Variants in TTC3 observed in about 807,000 individuals in gnomAD.
TTC3 encodes tetratricopeptide repeat domain 3.
TTC3 carries 180 observed loss-of-function variants against 249.6 expected under a neutral mutation model. That is an observed-to-expected ratio of 0.72 (90% CI 0.64 to 0.82). TTC3 has a LOEUF of 0.82. TTC3 is among the 40% of genes least tolerant of loss of function. TTC3 has a pLI of 0.00. For missense variants in TTC3, 2,061 were observed against 2,398.4 expected, an observed-to-expected ratio of 0.86 and a Z score of 2.94; for synonymous variants, 717 against 805.0, an observed-to-expected ratio of 0.89 and a Z score of 1.85.
chr21:37,081,963 C>A (rs2071740890), intron 1 of TTC3: 1 of 151,368 alleles, frequency 6.6e-6, no homozygotes, highest in South Asian at 2.1e-4. Context: ...CTCCCGGGTT[C>A]ACGCCATTCT....
At chr21:37,138,244 T>C (rs1184218969) in intron 18 of TTC3, among the ~76,000 whole-genome samples, 1 of 152,204 alleles carries the variant, frequency 6.6e-6, no homozygotes, top group Admixed American at 6.5e-5. Context: ...GATTGTGATA[T>C]TTGCTTTATT....
intron 9 of TTC3, among the ~76,000 whole-genome samples, chr21:37,096,037 A>G (rs950656916): frequency 6.6e-6 from 1 of 152,174 alleles, no homozygotes; most frequent in African/African-American, 2.4e-5. Context: ...GTGCATCTCC[A>G]CAGGGAATGA....
exon 14 of TTC3, chr21:37,124,737 C>A: frequency 6.2e-7 from 1 of 1,611,726 alleles, no homozygotes; most frequent in Non-Finnish European, 8.5e-7. Flanking sequence ...TAATCAGAAT[C>A]TAAAGGTAAG....
chr21:37,101,628 T>G (rs1349062368), intron 10 of TTC3, among the ~76,000 whole-genome samples: 2 of 152,210 alleles, frequency 1.3e-5, no homozygotes, highest in African/African-American at 4.8e-5. Flanking sequence ...TCCCATAATA[T>G]TTTATGCCTA....
chr21:37,118,860 C>T (rs1210120716), intron 11 of TTC3, among the ~76,000 whole-genome samples: 2 of 152,126 alleles, frequency 1.3e-5, no homozygotes, highest in African/African-American at 2.4e-5. Flanking sequence ...TACTTTTCAT[C>T]TTAAATGCTA....
intron 34 of TTC3, among the ~76,000 whole-genome samples, chr21:37,170,110 C>T (rs1039141649): frequency 6.6e-6 from 1 of 152,134 alleles, no homozygotes; most frequent in African/African-American, 2.4e-5. Flanking sequence ...TGTTTATATT[C>T]ATATACACAT....
chr21:37,101,915 A>C (rs1473459569), intron 10 of TTC3, among the ~76,000 whole-genome samples: 1 of 113,174 alleles, frequency 8.8e-6, no homozygotes, highest in Non-Finnish European at 2.1e-5. Flanking sequence ...ATTAGTATAT[A>C]GTTTATATAT....
Position 37,082,663 on chromosome 21 carries a change from C to G in TTC3, c.-11-4584C>G, listed in dbSNP as rs376658285. ...TTGTTGCTTTTGCGTGGAGAGGGTG[C>G]CTTCACATGTTCCCCTATTTCTATG... On this transcript the variant is annotated intron_variant, in intron 1 of 45. Transcript: ENST00000355666. 7.1e-6 allele frequency: 7 copies of G among 985,184 alleles called. No individual in the cohort carries two copies. In the East Asian group the frequency reaches 4.5e-4, roughly 64 times the overall value. The allele number at this position is 985,184 out of a possible 1,614,324, so 61.0% of individuals were successfully genotyped here.
At chr21:37,190,136 T>C (rs1429417099) in intron 39 of TTC3, among the ~76,000 whole-genome samples, 25 of 41,258 alleles carry the variant, frequency 6.1e-4, no homozygotes, top group South Asian at 1.1e-3. Context: ...CTTTCTTTTT[T>C]TTTTTTTTTT....
chr21:37,193,146 C>T (rs2084393349), intron 41 of TTC3, among the ~76,000 whole-genome samples: 1 of 152,170 alleles, frequency 6.6e-6, no homozygotes, highest in Admixed American at 6.5e-5. Context: ...GACTTCCACC[C>T]TCCCACTACT....
chr21:37,184,629 ATTTTT>A (rs765134090), intron 36 of TTC3, among the ~76,000 whole-genome samples: 1 of 121,580 alleles, frequency 8.2e-6, no homozygotes. Context: ...TAATTTTTCT[ATTTTT>A]TTTTTTTTTT....
chr21:37,134,573 C>T (rs959729337), intron 17 of TTC3, among the ~76,000 whole-genome samples: 2 of 152,258 alleles, frequency 1.3e-5, no homozygotes, highest in Middle Eastern at 3.4e-3. Flanking sequence ...ATACAACATA[C>T]ATATTTGCAT....
At chr21:37,155,868 T>G (rs1217432757) in intron 27 of TTC3, among the ~76,000 whole-genome samples, 1 of 152,222 alleles carries the variant, frequency 6.6e-6, no homozygotes, top group African/African-American at 2.4e-5. Context: ...AATGTTATTT[T>G]AGGTGTTGGG....
intron 20 of TTC3, among the ~76,000 whole-genome samples, chr21:37,140,959 G>C (rs2078387799): frequency 6.6e-6 from 1 of 152,088 alleles, no homozygotes; most frequent in Non-Finnish European, 1.5e-5. Context: ...TATAGATAGT[G>C]AGTGAATTGA....
rs777788506 is a variant in TTC3 at position 37,088,900 on chromosome 21, T to G, written c.426+14T>G. ...AAGAAAGTTGCTGTAAGTGGTAGAA[T>G]GTAGGTTCCCCCGAGCCCTTGGTTT... On this transcript the variant is annotated intron_variant, in intron 5 of 45. Transcript: ENST00000355666. 4 of 1,610,722 alleles carry G rather than the reference T, an allele frequency of 2.5e-6. No homozygotes were observed. The South Asian group carries it at 4.4e-5, about 18-fold the overall frequency.
chr21:37,116,033 G>C (rs4393819), intron 11 of TTC3, among the ~76,000 whole-genome samples: 18,604 of 152,058 alleles, frequency 0.12, 1,275 homozygotes, highest in Non-Finnish European at 0.15. Flanking sequence ...AGTTATAGTG[G>C]CTATTGTGTG....
In TTC3 at chr21:37,078,790, A is replaced by AT. The variant is rs199831600; in HGVS notation, c.-12+5433dup. Among the ~76,000 whole-genome samples, 1,000 of 152,082 alleles carry AT rather than the reference A, an allele frequency of 6.6e-3. 12 individuals are homozygous for AT. Among genetic ancestry groups the AT allele is most frequent in the African/African-American group, 0.022 (933 of 41,508 alleles). On this transcript the variant is annotated intron_variant, in intron 1 of 45. Coordinates refer to ENST00000355666, the Ensembl canonical transcript of TTC3. ...AGTTATTTTTGCTTTTAATTTATTC[A>AT]TTTTTTTGGTCTTAAATGTGCTGGC...
At chr21:37,100,531 G>A (rs1424786164) in intron 10 of TTC3, among the ~76,000 whole-genome samples, 1 of 152,130 alleles carries the variant, frequency 6.6e-6, no homozygotes, top group Admixed American at 6.5e-5. Flanking sequence ...GGCAGTGGCA[G>A]TGATGATTTT....
intron 15 of TTC3, among the ~76,000 whole-genome samples, chr21:37,127,395 C>T (rs537730170): frequency 1.3e-5 from 2 of 152,148 alleles, no homozygotes; most frequent in South Asian, 4.2e-4. Flanking sequence ...ACACAGACAC[C>T]GCAGAACCTC....
Sources: allele counts gnomAD v4.1 joint callset (sites outside exome capture counted in the v4.1 genomes callset), GRCh38; gene constraint gnomAD v4.1.1; transcripts MANE v1.5; gene names NCBI Gene and HGNC (gene_info 2026-07-23, HGNC 2026-07-21).